The following TENM3 variants were observed in gnomAD, a reference collection of about 807,000 sequenced individuals.
TENM3 encodes the protein teneurin transmembrane protein 3.
A neutral mutation model predicts 255.1 loss-of-function variants in TENM3; 63 were observed. That is an observed-to-expected ratio of 0.25 (90% CI 0.20 to 0.30). The LOEUF (loss-of-function observed/expected upper bound fraction) is 0.30. Among genes scored for constraint, TENM3 ranks in the 10% least tolerant of loss-of-function variants. The pLI is 1.00. For missense variants in TENM3, 2,929 were observed against 3,461.1 expected (o/e 0.85, Z 3.86); for synonymous variants, 1,306 against 1,322.3 (o/e 0.99, Z 0.27).
At chr4:182,024,913 C>CA in the TENM3 span, among the ~76,000 whole-genome samples, 2 of 149,798 alleles carry the variant, frequency 1.3e-5, no homozygotes, top group African/African-American at 2.5e-5. Context: ...TTAGATCCCA[C>CA]AAAAAAAAAG....
At chr4:182,047,345 C>CGAGGTCGG in the TENM3 span, among the ~76,000 whole-genome samples, 2 of 151,880 alleles carry the variant, frequency 1.3e-5, no homozygotes, top group African/African-American at 4.8e-5. Context: ...GGGTGGATTA[C>CGAGGTCGG]GAGGTCGGGA....
At chr4:182,050,229 G>A in the TENM3 span, among the ~76,000 whole-genome samples, 5 of 152,092 alleles carry the variant, frequency 3.3e-5, no homozygotes, top group African/African-American at 9.7e-5. Context: ...CTGACCTCGG[G>A]TGATCCACCC....
chr4:182,111,488 A>G, the TENM3 span, among the ~76,000 whole-genome samples: 6 of 152,178 alleles, frequency 3.9e-5, no homozygotes, highest in African/African-American at 7.2e-5. Context: ...CATGTACTCA[A>G]TTGAAGAAGG....
At chr4:181,586,034 G>A in the TENM3 span, among the ~76,000 whole-genome samples, 2 of 152,086 alleles carry the variant, frequency 1.3e-5, no homozygotes, top group African/African-American at 4.8e-5. Flanking sequence ...TAGAATGTAG[G>A]GTTCAGAGGT....
chr4:182,182,709 G>A (rs114454068), intron 1 of TENM3, among the ~76,000 whole-genome samples: 4,402 of 152,218 alleles, frequency 0.029, 91 homozygotes, highest in Non-Finnish European at 0.04. Flanking sequence ...TCTTAAGCAG[G>A]TAACTTCTAT....
At chr4:181,829,998 C>T in the TENM3 span, 2,564 of 152,294 alleles carry the variant, frequency 0.017, 44 homozygotes, top group Middle Eastern at 0.051. Context: ...CTTCTGGGGT[C>T]CCTGGAGACC....
chr4:182,729,141 A>G lies in TENM3; in HGVS notation c.2545A>G (p.Ser849Gly). ...AATCAGTTTCCTTATAGGATCTGAT[A>G]GCACCCATGTTATACCTGGAGAAAG... is the stretch of plus-strand genomic sequence containing the variant. ...DRISFLIGSD[S>G]THVIPGESPF... Residue 849 changes from serine to glycine, a missense_variant, in exon 14 of 28, where the codon AGC becomes GGC. Transcript: ENST00000511685. The G allele has an allele frequency of 6.2e-7, 1 of 1,614,040 alleles. No homozygotes were observed. The highest frequency in any genetic ancestry group is 8.5e-7 in the Non-Finnish European group (1 of 1,179,888).
chr4:181,634,947 C>A, the TENM3 span, among the ~76,000 whole-genome samples: 1 of 152,212 alleles, frequency 6.6e-6, no homozygotes, highest in East Asian at 1.9e-4. Context: ...CATCTTCACC[C>A]TTTTTTTCAT....
chr4:182,684,202 AGAG>A (rs901106962), intron 11 of TENM3, among the ~76,000 whole-genome samples: 3 of 151,438 alleles, frequency 2.0e-5, no homozygotes, highest in African/African-American at 7.3e-5. Context: ...GGACAATGAT[AGAG>A]GAGGAAGGAC....
chr4:181,605,588 A>AGAAAGAGAAAGAAAG, the TENM3 span, among the ~76,000 whole-genome samples: 20 of 37,554 alleles, frequency 5.3e-4, 1 homozygote, highest in South Asian at 1.8e-3. Flanking sequence ...AAGAAAGGAA[A>AGAAAGAGAAAGAAAG]GAAAGAAAGA....
At chr4:182,165,207 G>C (rs1000754590) in intron 1 of TENM3, among the ~76,000 whole-genome samples, 3 of 152,082 alleles carry the variant, frequency 2.0e-5, no homozygotes, top group African/African-American at 7.2e-5. Flanking sequence ...TTCTCCTCAG[G>C]ACTTACTAGT....
the TENM3 span, among the ~76,000 whole-genome samples, chr4:181,967,744 T>C: frequency 6.6e-6 from 1 of 152,166 alleles, no homozygotes; most frequent in Non-Finnish European, 1.5e-5. Context: ...TTAGTGACTG[T>C]AGGATAGAGG....
the TENM3 span, among the ~76,000 whole-genome samples, chr4:181,803,948 AAAAAAGAAAG>A: frequency 4.9e-5 from 7 of 142,442 alleles, no homozygotes; most frequent in South Asian, 2.2e-4. Flanking sequence ...ACAAAAAAAA[AAAAAAGAAAG>A]AAAGAAAGAA....
chr4:181,995,825 A>G, the TENM3 span, among the ~76,000 whole-genome samples: 29 of 152,268 alleles, frequency 1.9e-4, no homozygotes, highest in Admixed American at 1.9e-3. Flanking sequence ...CAGATCCTTC[A>G]TCTTTAACTC....
the TENM3 span, among the ~76,000 whole-genome samples, chr4:181,788,661 A>T: frequency 5.3e-5 from 8 of 152,056 alleles, no homozygotes; most frequent in African/African-American, 1.9e-4. Context: ...GCAGTAGTAT[A>T]ATCAGAGCTC....
At chr4:182,666,157 G>A (rs1328235803) in intron 6 of TENM3, among the ~76,000 whole-genome samples, 2 of 152,164 alleles carry the variant, frequency 1.3e-5, no homozygotes, top group African/African-American at 4.8e-5. Flanking sequence ...TTTAATGGAC[G>A]AGGAGTTGTT....
chr4:182,464,319 C>T (rs1052752382), intron 3 of TENM3, among the ~76,000 whole-genome samples: 1 of 152,078 alleles, frequency 6.6e-6, no homozygotes, highest in Non-Finnish European at 1.5e-5. Context: ...TGCAGTGGTG[C>T]AATCTTGGCT....
the TENM3 span, among the ~76,000 whole-genome samples, chr4:181,602,777 T>C: frequency 2.3e-3 from 345 of 152,298 alleles, no homozygotes; most frequent in African/African-American, 7.6e-3. Context: ...GAGCTTTCTC[T>C]CAGCCCAATA....
the TENM3 span, among the ~76,000 whole-genome samples, chr4:181,601,236 G>A: frequency 1.3e-5 from 2 of 152,188 alleles, no homozygotes; most frequent in African/African-American, 2.4e-5. Flanking sequence ...TCCAGGTATT[G>A]GCAGGGCTGT....
Sources: allele counts gnomAD v4.1 joint callset (sites outside exome capture counted in the v4.1 genomes callset), GRCh38; gene constraint gnomAD v4.1.1; transcripts MANE v1.5; gene names NCBI Gene and HGNC (gene_info 2026-07-23, HGNC 2026-07-21).